CENPP: variants seen among roughly 807,000 people sequenced by gnomAD.
The protein encoded by CENPP is centromere protein P.
CENPP carries 24 observed loss-of-function variants against 35.6 expected under a neutral mutation model. The observed-to-expected ratio is 0.67, with a 90% confidence interval of 0.49 to 0.95. The LOEUF (loss-of-function observed/expected upper bound fraction) is 0.95. Ranked by LOEUF, CENPP falls within the 40% of genes least tolerant of loss-of-function variation. The pLI, the probability that CENPP is intolerant of heterozygous loss-of-function variation, is 0.00. For synonymous variants in CENPP, 120 were observed against 125.5 expected (o/e 0.96, Z 0.29); for missense variants, 332 against 345.3 (o/e 0.96, Z 0.31).
At chr9:92,404,534 A>G (rs1318242723) in intron 5 of CENPP, 2 of 1,298,700 alleles carry the variant, frequency 1.5e-6, no homozygotes, top group Admixed American at 2.4e-5. Flanking sequence ...GTTTTCCTCA[A>G]TAGATGTTCA....
intron 5 of CENPP, among the ~76,000 whole-genome samples, chr9:92,604,949 A>T (rs1851033656): frequency 6.6e-6 from 1 of 151,872 alleles, no homozygotes; most frequent in Non-Finnish European, 1.5e-5. Context: ...ATTTACTCCT[A>T]TGTTTTCTCT....
At chr9:92,460,087 G>A (rs1845045916) in intron 5 of CENPP, among the ~76,000 whole-genome samples, 2 of 139,104 alleles carry the variant, frequency 1.4e-5, no homozygotes, top group African/African-American at 5.4e-5. Flanking sequence ...TTAAGATGGA[G>A]TCTCGCTCTG....
At chr9:92,572,370 A>T (rs979979367) in intron 5 of CENPP, among the ~76,000 whole-genome samples, 1 of 152,164 alleles carries the variant, frequency 6.6e-6, no homozygotes, top group Non-Finnish European at 1.5e-5. Flanking sequence ...CTGGATATGA[A>T]ATTCTGGGTT....
At chr9:92,377,315 T>C (rs1842146776) in intron 4 of CENPP, among the ~76,000 whole-genome samples, 1 of 152,212 alleles carries the variant, frequency 6.6e-6, no homozygotes, top group Non-Finnish European at 1.5e-5. Flanking sequence ...AGTTCTGACT[T>C]AGCTGAAATG....
intron 5 of CENPP, among the ~76,000 whole-genome samples, chr9:92,534,377 CTTAG>C (rs1422454692): frequency 2.0e-5 from 3 of 152,202 alleles, no homozygotes; most frequent in East Asian, 1.9e-4. Context: ...TCAGGTTTCA[CTTAG>C]TTAGTTCATA....
At chr9:92,563,050 A>C (rs1482178572) in intron 5 of CENPP, among the ~76,000 whole-genome samples, 1 of 152,160 alleles carries the variant, frequency 6.6e-6, no homozygotes, top group African/African-American at 2.4e-5. Context: ...AGAGAATTTT[A>C]GTTTTAATTC....
intron 5 of CENPP, among the ~76,000 whole-genome samples, chr9:92,567,397 G>GATATATATATATATATATATATAGAT: frequency 1.9e-5 from 1 of 51,592 alleles, no homozygotes; most frequent in East Asian, 6.5e-4. Context: ...TATATATATA[G>GATATATATATATATATATATATAGAT]ATATATATAT....
chr9:92,384,446 T>C (rs1842347858), intron 5 of CENPP: 1 of 152,182 alleles, frequency 6.6e-6, no homozygotes, highest in Non-Finnish European at 1.5e-5. Context: ...AAAACACTGA[T>C]AATTTTGTGT....
intron 5 of CENPP, among the ~76,000 whole-genome samples, chr9:92,444,400 T>C (rs2131008986): frequency 6.6e-6 from 1 of 152,258 alleles, no homozygotes; most frequent in East Asian, 1.9e-4. Flanking sequence ...ACAAGTCCCT[T>C]ATCGATAGAT....
chr9:92,457,101 C>G, intron 5 of CENPP: 2 of 1,391,096 alleles, frequency 1.4e-6, no homozygotes, highest in Non-Finnish European at 1.9e-6. Context: ...TCTCTCAACC[C>G]TTATGTATCA....
chr9:92,529,829 TTCTTAGGGCAG>T (rs1299841225), intron 5 of CENPP, among the ~76,000 whole-genome samples: 1 of 152,264 alleles, frequency 6.6e-6, no homozygotes, highest in East Asian at 1.9e-4. Flanking sequence ...ACACAGAGGA[TTCTTAGGGCAG>T]TGAAACTCTT....
At chr9:92,554,688 A>G (rs1469688583) in intron 5 of CENPP, among the ~76,000 whole-genome samples, 2 of 152,072 alleles carry the variant, frequency 1.3e-5, no homozygotes, top group Non-Finnish European at 1.5e-5. Flanking sequence ...CCCAGGCTGG[A>G]GTGCAGTGGC....
intron 5 of CENPP, among the ~76,000 whole-genome samples, chr9:92,407,579 T>C (rs1843339389): frequency 6.6e-6 from 1 of 152,182 alleles, no homozygotes. Flanking sequence ...AGAGCAGGCA[T>C]TGTATCCAAA....
chr9:92,438,569 A>C (rs574890789), intron 5 of CENPP, among the ~76,000 whole-genome samples: 11 of 152,284 alleles, frequency 7.2e-5, no homozygotes, highest in Admixed American at 6.5e-4. Flanking sequence ...TTGCATTTTC[A>C]TATAATTTTT....
chr9:92,572,726 C>T (rs1850175474), intron 5 of CENPP, among the ~76,000 whole-genome samples: 1 of 152,180 alleles, frequency 6.6e-6, no homozygotes, highest in African/African-American at 2.4e-5. Flanking sequence ...TCAGGTACAC[C>T]AATCAGATGT....
intron 5 of CENPP, among the ~76,000 whole-genome samples, chr9:92,598,745 GTT>G (rs35301833): frequency 1.4e-5 from 2 of 144,640 alleles, no homozygotes; most frequent in African/African-American, 5.1e-5. Flanking sequence ...AACTGAAGGG[GTT>G]TTTTTTTTTT....
chr9:92,470,587 A>G, intron 5 of CENPP: 1 of 713,172 alleles, frequency 1.4e-6, no homozygotes, highest in South Asian at 2.4e-5. Flanking sequence ...ACTTGTTTAT[A>G]CTAACATAGT....
chr9:92,469,970 T>C (rs544494085), intron 5 of CENPP, among the ~76,000 whole-genome samples: 1 of 152,304 alleles, frequency 6.6e-6, no homozygotes, highest in African/African-American at 2.4e-5. Context: ...TGGCTAAGAC[T>C]ACGTGCACCA....
At chr9:92,571,791 T>A (rs891688363) in intron 5 of CENPP, among the ~76,000 whole-genome samples, 1 of 152,222 alleles carries the variant, frequency 6.6e-6, no homozygotes, top group Admixed American at 6.5e-5. Flanking sequence ...ATATTTAGGA[T>A]AGTTAGCTCT....
Sources: allele counts gnomAD v4.1 joint callset (sites outside exome capture counted in the v4.1 genomes callset), GRCh38; gene constraint gnomAD v4.1.1; transcripts MANE v1.5; gene names NCBI Gene and HGNC (gene_info 2026-07-23, HGNC 2026-07-21).